DPP6: variants seen among roughly 807,000 people sequenced by gnomAD.
DPP6 encodes dipeptidyl peptidase like 6.
A neutral mutation model predicts 122.6 loss-of-function variants in DPP6; 69 were observed. That is an observed-to-expected ratio of 0.56 (90% CI 0.46 to 0.69). The LOEUF is 0.69. Ranked by LOEUF, DPP6 falls within the 30% of genes least tolerant of loss-of-function variation. The pLI, the probability that DPP6 is intolerant of heterozygous loss-of-function variation, is 0.00. For synonymous variants in DPP6, 418 were observed against 433.1 expected (o/e 0.97, Z 0.43); for missense variants, 928 against 1,116.9 (o/e 0.83, Z 2.41).
the DPP6 span, among the ~76,000 whole-genome samples, chr7:153,748,835 C>A: frequency 2.9e-5 from 4 of 139,582 alleles, no homozygotes; most frequent in Non-Finnish European, 6.2e-5. Context: ...GACTCGGCTG[C>A]AGAAGGAGGA....
chr7:153,949,905 GGGTGAGT>G (rs1261761706), intron 1 of DPP6, among the ~76,000 whole-genome samples: 2 of 152,224 alleles, frequency 1.3e-5, no homozygotes, highest in Non-Finnish European at 2.9e-5. Context: ...AGGGTCTGGA[GGGTGAGT>G]GGCTACTCTA....
At chr7:154,632,488 C>T (rs1317073298) in intron 5 of DPP6, among the ~76,000 whole-genome samples, 2 of 152,118 alleles carry the variant, frequency 1.3e-5, no homozygotes, top group Non-Finnish European at 2.9e-5. Flanking sequence ...TTCAACTCAG[C>T]TTACTGAGTG....
chr7:154,127,579 G>A (rs1486724470), intron 1 of DPP6, among the ~76,000 whole-genome samples: 1 of 146,848 alleles, frequency 6.8e-6, no homozygotes, highest in African/African-American at 2.7e-5. Flanking sequence ...GGGAGTTGGG[G>A]TAAACAGGAG....
rs1805583725 is a variant in DPP6, at chr7:154,099,513, A to G, written c.243+46450A>G. Among the ~76,000 whole-genome samples the G allele has an allele frequency of 1.3e-5, 2 of 152,096 alleles. 1 individual carries two copies. The highest frequency in any genetic ancestry group is 4.8e-5 in the African/African-American group (2 of 41,384). On this transcript the variant is annotated intron_variant, in intron 1 of 25. Transcript: ENST00000377770. ...TAAAATTATTAAAAGCGTGGCCAAG[A>G]GGTCACGTTGCAAAGTTCACATTTG...
chr7:153,834,220 G>A, the DPP6 span, among the ~76,000 whole-genome samples: 1 of 151,728 alleles, frequency 6.6e-6, no homozygotes, highest in East Asian at 1.9e-4. Context: ...CCAGGAGGCA[G>A]AGGTTGCAGT....
At chr7:154,122,376 C>T (rs1294191136) in intron 1 of DPP6, among the ~76,000 whole-genome samples, 7 of 152,108 alleles carry the variant, frequency 4.6e-5, no homozygotes, top group Non-Finnish European at 7.4e-5. Flanking sequence ...CACATATAGT[C>T]AAGGAAAGAA....
In DPP6 at chr7:154,603,349, T is replaced by C. The variant is rs73165025; in HGVS notation, c.628-34472T>C. Among the ~76,000 whole-genome samples, 524 of 118,690 alleles carry C rather than the reference T, an allele frequency of 4.4e-3. 159 individuals are homozygous for C. The highest frequency in any genetic ancestry group is 8.0e-3 in the Non-Finnish European group (422 of 52,914). 77.9% of individuals were successfully genotyped at this position (118,690 alleles called of 152,430 possible). ...TTGTTTTTCCTTCGGGGTCTACTCT[T>C]ACATGGATATTCGGCCATTTTAATC... On this transcript the variant is annotated intron_variant, in intron 5 of 25. Coordinates refer to ENST00000377770, the MANE Select transcript of DPP6 (RefSeq NM_130797.4).
the DPP6 span, among the ~76,000 whole-genome samples, chr7:153,859,349 G>C: frequency 1.2e-4 from 19 of 152,328 alleles, no homozygotes; most frequent in East Asian, 3.3e-3. Context: ...TCTCAAGCTG[G>C]AGTCGGGAGG....
At chr7:153,971,801 C>T (rs1206468153) in intron 1 of DPP6, among the ~76,000 whole-genome samples, 6 of 143,264 alleles carry the variant, frequency 4.2e-5, no homozygotes, top group Non-Finnish European at 7.7e-5. Context: ...AGCACCTCCT[C>T]TCCAACACCC....
chr7:154,086,660 C>A (rs2150539916), intron 1 of DPP6, among the ~76,000 whole-genome samples: 1 of 151,320 alleles, frequency 6.6e-6, no homozygotes, highest in South Asian at 2.1e-4. Flanking sequence ...GCTCTGTCAC[C>A]CAGGCTGGAG....
chr7:154,228,199 A>T (rs556196855), intron 1 of DPP6, among the ~76,000 whole-genome samples: 1 of 152,320 alleles, frequency 6.6e-6, no homozygotes, highest in South Asian at 2.1e-4. Context: ...CATTTTAAAA[A>T]CAATTTGGAG....
intron 1 of DPP6, among the ~76,000 whole-genome samples, chr7:153,985,628 AT>A (rs1796807266): frequency 1.3e-5 from 2 of 152,320 alleles, no homozygotes. Flanking sequence ...AGTAGATTAT[AT>A]TGACAGGCAT....
chr7:153,948,679 AAATAT>A (rs1390733713), intron 1 of DPP6, among the ~76,000 whole-genome samples: 1 of 151,416 alleles, frequency 6.6e-6, no homozygotes, highest in Non-Finnish European at 1.5e-5. Flanking sequence ...AAAATGAACA[AAATAT>A]AATACAACTT....
intron 3 of DPP6, among the ~76,000 whole-genome samples, chr7:154,524,866 C>G (rs987376513): frequency 1.3e-5 from 2 of 152,082 alleles, no homozygotes; most frequent in Admixed American, 6.5e-5. Context: ...TTGTCTCCCC[C>G]ACTGGTCTTT....
rs1012642786 is a variant in DPP6, at chr7:154,851,977, C to T, written c.1667-1803C>T. Among the ~76,000 whole-genome samples the T allele has an allele frequency of 2.0e-5, 3 of 152,172 alleles. No individual in the cohort carries two copies. In the East Asian group the frequency reaches 5.8e-4, roughly 29 times the overall value. ...TGATGTCCAAGGCCAGCATGACCCA[C>T]AGTCTGTGTGTCTCAGCTCATCTGG... is the stretch of plus-strand genomic sequence containing the variant. On this transcript the variant is annotated intron_variant, in intron 16 of 25. Transcript: ENST00000377770.
chr7:154,748,939 A>G (rs1843172645), intron 8 of DPP6, among the ~76,000 whole-genome samples: 1 of 152,238 alleles, frequency 6.6e-6, no homozygotes, highest in South Asian at 2.1e-4. Context: ...CCATTCGGAA[A>G]ATCAAGTGAA....
chr7:154,422,588 A>G (rs982263392), intron 1 of DPP6, among the ~76,000 whole-genome samples: 35 of 151,848 alleles, frequency 2.3e-4, no homozygotes, highest in African/African-American at 7.7e-4. Context: ...GAATGGGTCA[A>G]TGGGTAGATG....
At chr7:154,455,641 C>T (rs1242759515) in intron 2 of DPP6, among the ~76,000 whole-genome samples, 1 of 152,066 alleles carries the variant, frequency 6.6e-6, no homozygotes, top group African/African-American at 2.4e-5. Flanking sequence ...CTTTTGATTT[C>T]CCATCATTAA....
chr7:154,771,522 G>T (rs1263083631), intron 9 of DPP6, among the ~76,000 whole-genome samples: 5 of 152,184 alleles, frequency 3.3e-5, no homozygotes, highest in Non-Finnish European at 7.3e-5. Flanking sequence ...CCTCCCAAAG[G>T]TCTTACTTCC....
Sources: gnomAD v4.1 joint callset for allele counts (sites outside exome capture counted in the v4.1 genomes callset) on GRCh38, gnomAD v4.1.1 for gene constraint, MANE v1.5 for transcripts, NCBI Gene and HGNC (gene_info 2026-07-23, HGNC 2026-07-21) for gene names.